The following PHTF2 variants were observed in gnomAD, a reference collection of about 807,000 sequenced individuals.
PHTF2 encodes the protein protein PHTF2.
In PHTF2, 60 loss-of-function variants were observed where a neutral mutation model predicts 101.2. That is an observed-to-expected ratio of 0.59 (90% CI 0.48 to 0.73). The LOEUF (loss-of-function observed/expected upper bound fraction) is 0.73, where lower values mean the gene tolerates loss of function less well. PHTF2 is among the 30% of genes least tolerant of loss of function. PHTF2 has a pLI of 0.00. For missense variants in PHTF2, 747 were observed against 908.7 expected (o/e 0.82, Z 2.29); for synonymous variants, 311 against 307.3 (o/e 1.01, Z -0.13).
chr7:77,910,192 G>A (rs923877014), intron 8 of PHTF2, 53 bp from the exon 8 acceptor site: 1 of 1,486,478 alleles, frequency 6.7e-7, no homozygotes, highest in South Asian at 1.2e-5. Context: ...TACTGAGAAA[G>A]TGGTTATTAA....
At chr7:77,873,564 A>G (rs978100467) in intron 3 of PHTF2, among the ~76,000 whole-genome samples, 3 of 152,124 alleles carry the variant, frequency 2.0e-5, no homozygotes, top group African/African-American at 7.2e-5. Context: ...CTTGCCTCAC[A>G]GCTGCCTCAG....
intron 7 of PHTF2, among the ~76,000 whole-genome samples, chr7:77,904,882 C>T (rs936673951): frequency 6.6e-5 from 10 of 152,198 alleles, no homozygotes; most frequent in Non-Finnish European, 1.2e-4. Context: ...CTCTTCTTTC[C>T]TGTAAACCAA....
chr7:77,916,858 G>C (rs1185975220), intron 9 of PHTF2, among the ~76,000 whole-genome samples: 4 of 152,114 alleles, frequency 2.6e-5, no homozygotes, highest in Admixed American at 2.6e-4. Flanking sequence ...TTCAGTACAG[G>C]TGCAAGCATA....
At chr7:77,811,706 A>C (rs539054754) in intron 1 of PHTF2, among the ~76,000 whole-genome samples, 1 of 152,312 alleles carries the variant, frequency 6.6e-6, no homozygotes, top group South Asian at 2.1e-4. Flanking sequence ...TTCCATAATC[A>C]TCTGGTACTA....
At chr7:77,867,420 C>T (rs1043410597) in intron 3 of PHTF2, among the ~76,000 whole-genome samples, 1 of 151,552 alleles carries the variant, frequency 6.6e-6, no homozygotes, top group South Asian at 2.1e-4. Flanking sequence ...TACTATTTAA[C>T]CTTGTACAGC....
At chr7:77,848,945 T>G (rs1365492429) in intron 2 of PHTF2, among the ~76,000 whole-genome samples, 1 of 152,162 alleles carries the variant, frequency 6.6e-6, no homozygotes, top group Non-Finnish European at 1.5e-5. Flanking sequence ...TTTCCCAGCA[T>G]CATTTATTGA....
chr7:77,904,438 A>G (rs959851188), intron 7 of PHTF2, among the ~76,000 whole-genome samples: 3 of 152,214 alleles, frequency 2.0e-5, no homozygotes, highest in African/African-American at 7.2e-5. Flanking sequence ...CATAAGTGTT[A>G]TATTAGTCAC....
At chr7:77,895,273 T>C (rs922593251) in intron 5 of PHTF2, 1 of 362,868 alleles carries the variant, frequency 2.8e-6, no homozygotes, top group Admixed American at 3.5e-5. Flanking sequence ...TAGATTTCTG[T>C]TGAATGATGA....
intron 1 of PHTF2, among the ~76,000 whole-genome samples, chr7:77,818,123 A>C (rs960006308): frequency 3.3e-5 from 5 of 152,012 alleles, no homozygotes; most frequent in East Asian, 1.9e-4. Flanking sequence ...AAAAAAAAAA[A>C]AACAACAGTT....
Position 77,940,484 on chromosome 7 carries a change from T to C in PHTF2, c.1741-44T>C, listed in dbSNP as rs749152908. ...ATATTTTGTTAATTTTGTTTTTCTG[T>C]GGTAATCTACTTGAAAATTAATCCT... is the stretch of plus-strand genomic sequence containing the variant. On this transcript the variant is annotated intron_variant, in intron 14 of 19. Transcript: ENST00000416283. The C allele has an allele frequency of 4.1e-5, 62 of 1,519,846 alleles. 1 individual carries two copies. The South Asian group carries it at 4.8e-4, about 12-fold the overall frequency. 94.1% of individuals were successfully genotyped at this position (1,519,846 alleles called of 1,614,324 possible).
exon 19 of PHTF2, chr7:77,953,826 A>G (rs1394776804): frequency 6.2e-7 from 1 of 1,612,730 alleles, no homozygotes; most frequent in Admixed American, 1.7e-5. Context: ...GCTTTATAAC[A>G]TCACCCAGGT....
At chr7:77,847,497 G>C (rs1796396515) in intron 2 of PHTF2, among the ~76,000 whole-genome samples, 1 of 152,168 alleles carries the variant, frequency 6.6e-6, no homozygotes, top group Non-Finnish European at 1.5e-5. Flanking sequence ...GTAAGCTGCA[G>C]ATAGTAATGC....
At chr7:77,804,488 G>A (rs567891452) in intron 1 of PHTF2, among the ~76,000 whole-genome samples, 167 of 152,252 alleles carry the variant, frequency 1.1e-3, no homozygotes, top group Non-Finnish European at 2.1e-3. Flanking sequence ...ACCGTGCCCG[G>A]CTAATTTTTG....
intron 7 of PHTF2, among the ~76,000 whole-genome samples, 162 bp downstream of exon 6, chr7:77,902,082 A>G (rs993765492): frequency 6.6e-6 from 1 of 152,216 alleles, no homozygotes; most frequent in African/African-American, 2.4e-5. Context: ...GAGAAAACAA[A>G]GCAGTTATTT....
chr7:77,807,300 A>G (rs1439593362), intron 1 of PHTF2, among the ~76,000 whole-genome samples: 1 of 151,962 alleles, frequency 6.6e-6, no homozygotes, highest in East Asian at 1.9e-4. Context: ...ATCTTTTTGT[A>G]CCATTTTACA....
intron 5 of PHTF2, among the ~76,000 whole-genome samples, chr7:77,900,132 A>C (rs1372150164): frequency 6.6e-6 from 1 of 152,120 alleles, no homozygotes; most frequent in Non-Finnish European, 1.5e-5. Flanking sequence ...ATGGTGTCTA[A>C]GTTTTGAGGT....
At chr7:77,882,136 A>G (rs944440313) in intron 3 of PHTF2, among the ~76,000 whole-genome samples, 4 of 152,118 alleles carry the variant, frequency 2.6e-5, no homozygotes, top group Non-Finnish European at 5.9e-5. Flanking sequence ...GAATCGTGTC[A>G]TTTTAGATGA....
intron 9 of PHTF2, among the ~76,000 whole-genome samples, chr7:77,917,699 C>T (rs904104944): frequency 6.6e-6 from 1 of 152,180 alleles, no homozygotes; most frequent in Non-Finnish European, 1.5e-5. Flanking sequence ...CTAATATTGT[C>T]CCTAAATGGG....
intron 1 of PHTF2, among the ~76,000 whole-genome samples, chr7:77,813,010 C>T (rs1793570657): frequency 1.3e-5 from 2 of 152,188 alleles, no homozygotes; most frequent in Admixed American, 1.3e-4. Context: ...GATATAGGAA[C>T]AGGTGAGGTT....
Sources: allele counts gnomAD v4.1 joint callset (sites outside exome capture counted in the v4.1 genomes callset), GRCh38; gene constraint gnomAD v4.1.1; transcripts MANE v1.5; gene names NCBI Gene and HGNC (gene_info 2026-07-23, HGNC 2026-07-21).